NMNAT3: variants seen among roughly 807,000 people sequenced by gnomAD.
NMNAT3 encodes the protein nicotinamide nucleotide adenylyltransferase 3, also known as nicotinamide/nicotinic acid mononucleotide adenylyltransferase 3.
NMNAT3 carries 21 observed loss-of-function variants against 24.8 expected under a neutral mutation model. The observed-to-expected ratio is 0.85, with a 90% CI of 0.60 to 1.22. The LOEUF (loss-of-function observed/expected upper bound fraction) is 1.22, where lower values mean the gene tolerates loss of function less well. Among genes scored for constraint, NMNAT3 ranks in the 50% most tolerant of loss-of-function variants. The pLI, the probability that NMNAT3 is intolerant of heterozygous loss-of-function variation, is 0.00. For synonymous variants in NMNAT3, 136 were observed against 155.2 expected (o/e 0.88, Z 0.92); for missense variants, 387 against 436.6 (o/e 0.89, Z 1.01).
Position 139,561,352 on chromosome 3 carries a change from CA to C in NMNAT3, c.698del (p.Leu233Ter). ...AGAGGTTGGGGGTCTGGAAGGTCTT[CA>C]AGACGTCTGCCCCACAGAGAAGCTT... On this transcript the variant is annotated frameshift_variant, in exon 7 of 7. Coordinates refer to ENST00000643695, the MANE Select transcript of NMNAT3 (RefSeq NM_001320510.2). LOFTEE classifies it low-confidence loss of function (END_TRUNC). 6.2e-7 allele frequency: 1 copy of C among 1,613,988 alleles called. No homozygotes were observed. Among genetic ancestry groups the C allele is most frequent in the Non-Finnish European group, 8.5e-7 (1 of 1,179,998 alleles).
chr3:139,663,721 A>G (rs2057491800), intron 1 of NMNAT3, among the ~76,000 whole-genome samples: 1 of 152,088 alleles, frequency 6.6e-6, no homozygotes, highest in Non-Finnish European at 1.5e-5. Context: ...AACTATACAC[A>G]TGACCCGAAG....
intron 6 of NMNAT3, chr3:139,566,672 T>C (rs1937279867): frequency 1.3e-5 from 2 of 152,230 alleles, no homozygotes; most frequent in Admixed American, 1.3e-4. Context: ...CAGATAGTTG[T>C]AGATAGGTGG....
At chr3:139,633,724 T>C (rs563675278) in intron 2 of NMNAT3, among the ~76,000 whole-genome samples, 17 of 152,110 alleles carry the variant, frequency 1.1e-4, no homozygotes, top group African/African-American at 4.1e-4. Flanking sequence ...AGCTGAAAGA[T>C]GTCAGTATGG....
intron 1 of NMNAT3, among the ~76,000 whole-genome samples, chr3:139,658,818 C>T (rs1488198519): frequency 6.6e-6 from 1 of 152,076 alleles, no homozygotes; most frequent in Non-Finnish European, 1.5e-5. Context: ...ATCTTGAGGG[C>T]ATCATGTAAT....
At chr3:139,573,259 G>C (rs939362878) in intron 6 of NMNAT3, among the ~76,000 whole-genome samples, 3 of 152,114 alleles carry the variant, frequency 2.0e-5, no homozygotes, top group African/African-American at 7.2e-5. Flanking sequence ...ATTCAAAAAG[G>C]CTAAGGCTTT....
intron 3 of NMNAT3, among the ~76,000 whole-genome samples, chr3:139,605,702 T>C (rs1576628573): frequency 6.6e-6 from 1 of 152,156 alleles, no homozygotes; most frequent in East Asian, 1.9e-4. Context: ...GCAGGCCCAT[T>C]TGCCTGGCTT....
Position 139,561,608 on chromosome 3 carries a change from T to C in NMNAT3, c.659-216A>G, listed in dbSNP as rs370990227. On this transcript the variant is annotated intron_variant, in intron 6 of 6. Transcript: ENST00000643695. The stretch of plus-strand genomic sequence containing the variant: ...TGATTTAATCAATACACCTTTTGTT[T>C]AATATTGGAAAAGTGCCAAGGAATA... Among the ~76,000 whole-genome samples the C allele has an allele frequency of 5.9e-5, 9 of 152,358 alleles. No homozygotes were observed. The East Asian group carries it at 1.3e-3, about 23-fold the overall frequency.
chr3:139,626,293 C>G (rs1363609056), intron 3 of NMNAT3, among the ~76,000 whole-genome samples: 1 of 151,896 alleles, frequency 6.6e-6, no homozygotes, highest in Non-Finnish European at 1.5e-5. Context: ...GTTATTCTTT[C>G]TTTTTTAAAA....
chr3:139,635,614 C>T (rs2056471773), intron 2 of NMNAT3: 1 of 152,166 alleles, frequency 6.6e-6, no homozygotes, highest in Non-Finnish European at 1.5e-5. Flanking sequence ...AAAAACACAA[C>T]CTACCAGCTA....
chr3:139,564,465 C>T (rs549213182), intron 6 of NMNAT3, among the ~76,000 whole-genome samples: 1 of 152,310 alleles, frequency 6.6e-6, no homozygotes, highest in African/African-American at 2.4e-5. Context: ...TTGGTTCCAT[C>T]AGCCATGGGT....
chr3:139,618,235 A>G (rs1041963762), intron 3 of NMNAT3, among the ~76,000 whole-genome samples: 1 of 152,232 alleles, frequency 6.6e-6, no homozygotes, highest in African/African-American at 2.4e-5. Context: ...TCTCTTGAGC[A>G]CGGATGACTT....
intron 3 of NMNAT3, among the ~76,000 whole-genome samples, chr3:139,592,623 A>G (rs1435037764): frequency 5.9e-5 from 9 of 152,140 alleles, no homozygotes; most frequent in African/African-American, 1.2e-4. Context: ...CAGATCTCTC[A>G]GCAGAAACTC....
chr3:139,626,821 G>A (rs557046912), intron 3 of NMNAT3, among the ~76,000 whole-genome samples: 1 of 152,076 alleles, frequency 6.6e-6, no homozygotes, highest in East Asian at 1.9e-4. Flanking sequence ...AATACTTTTT[G>A]CTATGTTAAA....
intron 2 of NMNAT3, among the ~76,000 whole-genome samples, chr3:139,629,116 C>T (rs573363876): frequency 6.6e-6 from 1 of 152,326 alleles, no homozygotes; most frequent in East Asian, 1.9e-4. Context: ...GTTACCACTT[C>T]TGAGATAAGG....
intron 3 of NMNAT3, among the ~76,000 whole-genome samples, chr3:139,608,063 G>T (rs2055024442): frequency 6.6e-6 from 1 of 152,166 alleles, no homozygotes; most frequent in African/African-American, 2.4e-5. Flanking sequence ...TCTTTGCATG[G>T]TTTCTCTTTA....
At chr3:139,649,111 T>C (rs181090488) in intron 1 of NMNAT3, among the ~76,000 whole-genome samples, 6 of 152,296 alleles carry the variant, frequency 3.9e-5, no homozygotes, top group Non-Finnish European at 2.9e-5. Flanking sequence ...AAGCATGTAT[T>C]CTTTTTTGTA....
chr3:139,647,005 C>T (rs1180301919), intron 1 of NMNAT3, among the ~76,000 whole-genome samples: 1 of 152,192 alleles, frequency 6.6e-6, no homozygotes, highest in Non-Finnish European at 1.5e-5. Context: ...CACCTGTATG[C>T]ACATCTGGGA....
intron 3 of NMNAT3, among the ~76,000 whole-genome samples, chr3:139,594,499 G>C (rs1450938764): frequency 6.6e-6 from 1 of 152,082 alleles, no homozygotes; most frequent in Non-Finnish European, 1.5e-5. Flanking sequence ...GCCTGACAGA[G>C]ACACAACAAA....
chr3:139,615,180 A>C (rs1280297245), intron 3 of NMNAT3, among the ~76,000 whole-genome samples: 2 of 152,146 alleles, frequency 1.3e-5, no homozygotes, highest in Non-Finnish European at 2.9e-5. Flanking sequence ...TTCTTTGAAC[A>C]CTTCCTTACT....
Sources: gnomAD v4.1 joint callset for allele counts (sites outside exome capture counted in the v4.1 genomes callset) on GRCh38, gnomAD v4.1.1 for gene constraint, MANE v1.5 for transcripts, NCBI Gene and HGNC (gene_info 2026-07-23, HGNC 2026-07-21) for gene names.